SLC24A3: variants seen among roughly 807,000 people sequenced by gnomAD.
SLC24A3 encodes solute carrier family 24 member 3.
Under a neutral mutation model 75.8 loss-of-function variants are expected in SLC24A3, and 28 were observed. The ratio of observed to expected loss-of-function variants is 0.37; its 90% CI spans 0.27 to 0.51. The LOEUF (loss-of-function observed/expected upper bound fraction) is 0.51, where lower values mean the gene tolerates loss of function less well. SLC24A3 is among the 20% of genes least tolerant of loss of function. The probability of loss-of-function intolerance (pLI) is 0.94; values close to 1 mark genes in which losing one functional copy is unlikely to be tolerated. For missense variants in SLC24A3, 663 were observed against 847.8 expected, an observed-to-expected ratio of 0.78 and a Z score of 2.71; for synonymous variants, 372 against 334.1, an observed-to-expected ratio of 1.11 and a Z score of -1.24.
chr20:19,264,374 G>T (rs998390279), intron 1 of SLC24A3, among the ~76,000 whole-genome samples: 1 of 152,082 alleles, frequency 6.6e-6, no homozygotes, highest in African/African-American at 2.4e-5. Context: ...TTGCAATACA[G>T]CATTGCCCCA....
At chr20:19,368,289 A>G (rs1449755412) in intron 2 of SLC24A3, among the ~76,000 whole-genome samples, 1 of 152,220 alleles carries the variant, frequency 6.6e-6, no homozygotes, top group Non-Finnish European at 1.5e-5. Context: ...TAAGACGGGC[A>G]AAGTACAGCC....
At chr20:19,529,341 G>A (rs371676169) in intron 3 of SLC24A3, among the ~76,000 whole-genome samples, 2 of 152,244 alleles carry the variant, frequency 1.3e-5, no homozygotes, top group East Asian at 1.9e-4. Flanking sequence ...AAACCTGTTC[G>A]TCTCTTAGCT....
intron 3 of SLC24A3, among the ~76,000 whole-genome samples, chr20:19,530,635 A>T (rs1221246487): frequency 2.0e-5 from 3 of 152,180 alleles, no homozygotes; most frequent in African/African-American, 7.2e-5. Flanking sequence ...TCTGTGATTT[A>T]TATAGTAAAA....
intron 1 of SLC24A3, among the ~76,000 whole-genome samples, chr20:19,236,171 T>C (rs1982161716): frequency 6.6e-6 from 1 of 152,212 alleles, no homozygotes; most frequent in African/African-American, 2.4e-5. Context: ...AAATAGCATA[T>C]GGGACACAGT....
intron 3 of SLC24A3, among the ~76,000 whole-genome samples, chr20:19,518,759 T>C (rs988775451): frequency 6.6e-6 from 1 of 152,208 alleles, no homozygotes; most frequent in Non-Finnish European, 1.5e-5. Flanking sequence ...TGTGCTGCAT[T>C]AGCTCAGGCT....
chr20:19,240,555 C>T (rs1463019965), intron 1 of SLC24A3, among the ~76,000 whole-genome samples: 7 of 152,140 alleles, frequency 4.6e-5, no homozygotes, highest in Non-Finnish European at 1.0e-4. Context: ...TAACTCATCT[C>T]TCTTGTGAAG....
intron 2 of SLC24A3, among the ~76,000 whole-genome samples, chr20:19,420,623 A>AAGG (rs1358187978): frequency 0.21 from 16,678 of 78,930 alleles, 4,493 homozygotes; most frequent in East Asian, 0.66. Context: ...TCATAATTTC[A>AAGG]TAATTTACAG....
At chr20:19,299,363 G>A (rs1179403255) in intron 2 of SLC24A3, among the ~76,000 whole-genome samples, 3 of 152,244 alleles carry the variant, frequency 2.0e-5, no homozygotes, top group African/African-American at 4.8e-5. Context: ...ATCTGAGGAG[G>A]CATTTCAGAC....
intron 1 of SLC24A3, among the ~76,000 whole-genome samples, chr20:19,219,241 A>G (rs974525587): frequency 1.3e-5 from 2 of 151,908 alleles, no homozygotes; most frequent in South Asian, 4.2e-4. Flanking sequence ...CTAGTCCCGG[A>G]CGGCCCACAC....
At chr20:19,698,511 C>A in intron 14 of SLC24A3, 57 bp from the exon 15 acceptor site, 1 of 1,323,238 alleles carries the variant, frequency 7.6e-7, no homozygotes, top group Non-Finnish European at 1.1e-6. Flanking sequence ...TTGGGAGAGT[C>A]CTGTGTGGGG....
intron 1 of SLC24A3, among the ~76,000 whole-genome samples, chr20:19,258,922 C>A (rs1423152167): frequency 6.6e-6 from 1 of 152,182 alleles, no homozygotes; most frequent in Non-Finnish European, 1.5e-5. Flanking sequence ...CTATCTCCTT[C>A]TGGCAATAAT....
In SLC24A3 at chr20:19,444,209, A is replaced by G. The variant is rs557901451; in HGVS notation, c.272-71279A>G. Reference sequence around the variant, plus strand: ...CACCTGGTCATGGCGTATAATTTTTATATACCTCATTGGATTTGATTTGCT... The same window carrying G: ...CACCTGGTCATGGCGTATAATTTTTGTATACCTCATTGGATTTGATTTGCT... On this transcript the variant is annotated intron_variant, in intron 2 of 16. Coordinates refer to ENST00000328041, the MANE Select transcript of SLC24A3 (RefSeq NM_020689.4). Among the ~76,000 whole-genome samples the G allele has an allele frequency of 4.3e-4, 65 of 152,290 alleles. 1 individual carries two copies. The highest frequency in any genetic ancestry group is 1.4e-3 in the African/African-American group (57 of 41,564).
At chr20:19,327,575 G>A (rs1487852960) in intron 2 of SLC24A3, among the ~76,000 whole-genome samples, 2 of 152,172 alleles carry the variant, frequency 1.3e-5, no homozygotes, top group Non-Finnish European at 2.9e-5. Context: ...AGTGGAGCTG[G>A]CTCCAGGACA....
chr20:19,464,385 G>T (rs562368137), intron 2 of SLC24A3, among the ~76,000 whole-genome samples: 1 of 130,670 alleles, frequency 7.7e-6, no homozygotes, highest in Non-Finnish European at 1.7e-5. Context: ...GTGCGCACAC[G>T]TGTGTACACA....
chr20:19,382,042 C>T (rs915547243), intron 2 of SLC24A3, among the ~76,000 whole-genome samples: 4 of 152,186 alleles, frequency 2.6e-5, no homozygotes, highest in Non-Finnish European at 4.4e-5. Context: ...TCTCTGCCAC[C>T]GGCATCCTTT....
intron 2 of SLC24A3, among the ~76,000 whole-genome samples, chr20:19,509,399 G>C (rs1807127481): frequency 6.6e-6 from 1 of 152,238 alleles, no homozygotes; most frequent in African/African-American, 2.4e-5. Context: ...CATCAGCTCT[G>C]GGAGGCGCTA....
chr20:19,412,945 T>A (rs1487586695), intron 2 of SLC24A3, among the ~76,000 whole-genome samples: 3 of 152,156 alleles, frequency 2.0e-5, no homozygotes, highest in African/African-American at 7.2e-5. Context: ...AAAAGATAGT[T>A]CAAAGTGGGA....
chr20:19,414,558 C>A (rs1986796510), intron 2 of SLC24A3, among the ~76,000 whole-genome samples: 1 of 152,104 alleles, frequency 6.6e-6, no homozygotes, highest in Admixed American at 6.5e-5. Context: ...AATATCACTA[C>A]ATATCATTTT....
intron 2 of SLC24A3, among the ~76,000 whole-genome samples, chr20:19,325,795 T>G (rs71331866): frequency 0.023 from 1,545 of 67,588 alleles, 40 homozygotes; most frequent in Non-Finnish European, 0.025. Flanking sequence ...TATATATATA[T>G]AGAGAGAGAG....
Sources: gnomAD v4.1 joint callset for allele counts (sites outside exome capture counted in the v4.1 genomes callset) on GRCh38, gnomAD v4.1.1 for gene constraint, MANE v1.5 for transcripts, NCBI Gene and HGNC (gene_info 2026-07-23, HGNC 2026-07-21) for gene names.